WDR48: variants seen among roughly 807,000 people sequenced by gnomAD.
WDR48 encodes the protein WD repeat domain 48, also known as WD repeat-containing protein 48.
In WDR48, 22 loss-of-function variants were observed where a neutral mutation model predicts 94.0. That is an observed-to-expected ratio of 0.23 (90% CI 0.17 to 0.33). WDR48 has a LOEUF of 0.33. Ranked by LOEUF, WDR48 falls within the 10% of genes least tolerant of loss-of-function variation. The pLI is 1.00. For synonymous variants in WDR48, 278 were observed against 280.5 expected (o/e 0.99, Z 0.09); for missense variants, 541 against 813.8 (o/e 0.66, Z 4.08).
chr3:39,062,184 G>A (rs10428189), intron 1 of WDR48, among the ~76,000 whole-genome samples: 12,543 of 152,210 alleles, frequency 0.082, 732 homozygotes, highest in African/African-American at 0.16. Context: ...GCCCATGCCT[G>A]TGTCCTGAAT....
chr3:39,092,056 G>A (rs1281478186), intron 17 of WDR48, among the ~76,000 whole-genome samples: 1 of 152,212 alleles, frequency 6.6e-6, no homozygotes, highest in Non-Finnish European at 1.5e-5. Flanking sequence ...GCACACGCTT[G>A]TAGTCCAAGC....
At chr3:39,077,028 A>T in intron 8 of WDR48, 111 bp from the exon 9 acceptor site, 1 of 1,186,350 alleles carries the variant, frequency 8.4e-7, no homozygotes. Context: ...ATGCCCAGGT[A>T]TAGTCACCAC....
Position 39,074,898 on chromosome 3 carries a change from G to C in WDR48, c.845G>C (p.Arg282Thr). The change falls in exon 8 of 19, where the codon AGA (arginine) becomes ACA (threonine). Residue 282 changes from arginine (R) to threonine (T), a missense_variant. By Grantham distance (71) the Arg-to-Thr change is moderately conservative. Coordinates refer to ENST00000302313, the MANE Select transcript of WDR48 (RefSeq NM_020839.4). ...AGGAAGATTTATTGTACAGACCTAA[G>C]AAACCCTGACATTCGGGTGCTAATT... ...RDRKIYCTDL[R>T]NPDIRVLICE... The C allele has an allele frequency of 6.2e-7, 1 of 1,614,222 alleles. No individual in the cohort carries two copies.
chr3:39,077,295 C>T (rs889041491), intron 9 of WDR48, 82 bp downstream of exon 9: 5 of 1,473,528 alleles, frequency 3.4e-6, no homozygotes, highest in Non-Finnish European at 3.8e-6. Flanking sequence ...TGCAAATGCT[C>T]AGTGTGGCCC....
chr3:39,057,908 T>C (rs1355172656), intron 1 of WDR48, among the ~76,000 whole-genome samples: 6 of 152,168 alleles, frequency 3.9e-5, no homozygotes, highest in African/African-American at 1.4e-4. Context: ...CATGAGCCAC[T>C]GCGCCTGGCC....
chr3:39,070,256 C>T (rs2033851143), intron 7 of WDR48, among the ~76,000 whole-genome samples: 1 of 152,186 alleles, frequency 6.6e-6, no homozygotes, highest in Admixed American at 6.5e-5. Context: ...TTATAAATCA[C>T]AATTCTGTTC....
At chr3:39,057,089 C>A (rs1385045306) in intron 1 of WDR48, among the ~76,000 whole-genome samples, 2 of 152,058 alleles carry the variant, frequency 1.3e-5, no homozygotes, top group African/African-American at 2.4e-5. Flanking sequence ...ACAAAAAGCT[C>A]TTTGAGGAAG....
intron 1 of WDR48, among the ~76,000 whole-genome samples, chr3:39,056,447 G>C (rs983951815): frequency 2.6e-5 from 4 of 152,168 alleles, no homozygotes; most frequent in Non-Finnish European, 4.4e-5. Context: ...TTTCTAGATC[G>C]AAGGGGCTTT....
intron 11 of WDR48, 95 bp from the exon 12 acceptor site, chr3:39,084,060 C>A: frequency 2.4e-6 from 2 of 824,758 alleles, no homozygotes; most frequent in Non-Finnish European, 3.7e-6. Context: ...TTCACTTAGA[C>A]ACATGTGAAA....
intron 18 of WDR48, 21 bp from the exon 19 acceptor site, chr3:39,094,627 A>T: frequency 3.1e-6 from 5 of 1,613,846 alleles, no homozygotes; most frequent in Non-Finnish European, 4.2e-6. Context: ...GAAATTTTTA[A>T]ATTTAATTTT....
chr3:39,090,834 T>C (rs779881614), intron 16 of WDR48: 1 of 152,224 alleles, frequency 6.6e-6, no homozygotes, highest in African/African-American at 2.4e-5. Context: ...GTCCCGGATA[T>C]ACCTCTAAGA....
intron 7 of WDR48, among the ~76,000 whole-genome samples, chr3:39,073,188 C>T (rs1025859803): frequency 1.3e-5 from 2 of 152,100 alleles, no homozygotes; most frequent in Non-Finnish European, 1.5e-5. Context: ...ATGGGGAGCC[C>T]CTCCTTGGCC....
intron 10 of WDR48, 82 bp from the exon 11 acceptor site, chr3:39,079,629 A>G (rs2034416743): frequency 1.0e-6 from 1 of 963,836 alleles, no homozygotes; most frequent in Admixed American, 3.1e-5. Flanking sequence ...TTCCTGTTAG[A>G]TACCAGTTAA....
intron 11 of WDR48, among the ~76,000 whole-genome samples, chr3:39,080,199 CCCCT>C (rs1298097268): frequency 6.6e-6 from 1 of 152,138 alleles, no homozygotes; most frequent in Non-Finnish European, 1.5e-5. Context: ...GCCAGTAATA[CCCCT>C]CCCTCCCCCT....
At chr3:39,071,811 AC>A (rs2033949784) in intron 7 of WDR48, among the ~76,000 whole-genome samples, 1 of 152,260 alleles carries the variant, frequency 6.6e-6, no homozygotes, top group Non-Finnish European at 1.5e-5. Flanking sequence ...GAATTGATCA[AC>A]AAAAAACTAT....
Position 39,088,191 on chromosome 3 carries a change from C to T in WDR48, c.1538C>T (p.Thr513Ile), listed in dbSNP as rs777347654. The T allele has an allele frequency of 1.9e-6, 3 of 1,614,190 alleles. No homozygotes were observed. The highest frequency in any genetic ancestry group is 3.3e-5 in the Admixed American group (2 of 60,018). The part of the protein sequence containing the change: ...GNGYFQVPPH[T>I]PVIFGEAGGR... ...GGATATTTTCAAGTGCCCCCACATA[C>T]ACCCGTGATCTTTGGTGAAGCTGGA... Residue 513 changes from threonine to isoleucine, a missense_variant, in exon 15 of 19, where the codon ACA becomes ATA. This residue lies in a region of WDR48 where 238 missense variants were observed against 285.3 expected (regional missense o/e 0.83). Transcript: ENST00000302313.
chr3:39,091,926 C>T (rs528686181), intron 17 of WDR48, among the ~76,000 whole-genome samples: 1 of 152,304 alleles, frequency 6.6e-6, no homozygotes, highest in African/African-American at 2.4e-5. Flanking sequence ...AATCCCAACA[C>T]TTTGGGAGGG....
At chr3:39,074,426 G>A (rs781215888) in intron 7 of WDR48, among the ~76,000 whole-genome samples, 38 of 152,118 alleles carry the variant, frequency 2.5e-4, no homozygotes, top group Non-Finnish European at 5.0e-4. Flanking sequence ...CAGAACAACC[G>A]TAACTACTTA....
rs575343097 is a variant in WDR48, at chr3:39,080,184, T to G, written c.1173+376T>G. Among the ~76,000 whole-genome samples the G allele has an allele frequency of 2.2e-4, 33 of 152,246 alleles. No individual in the cohort carries two copies. In the East Asian group the frequency reaches 6.0e-3, roughly 28 times the overall value. The stretch of plus-strand genomic sequence containing the variant: ...TAGAACATCTCTAGCCTCCACCCAG[T>G]AGTTGCCAGTAATACCCCTCCCTCC... On this transcript the variant is annotated intron_variant, in intron 11 of 18. Transcript: ENST00000302313.
Sources: gnomAD v4.1 joint callset for allele counts (sites outside exome capture counted in the v4.1 genomes callset) on GRCh38, gnomAD v4.1.1 for gene constraint, gnomAD v4.1.1 regional missense constraint, MANE v1.5 for transcripts, NCBI Gene and HGNC (gene_info 2026-07-23, HGNC 2026-07-21) for gene names.